Variants in NUAK1 observed in about 807,000 individuals in gnomAD.
NUAK1 encodes the protein NUAK family kinase 1, also known as NUAK family SNF1-like kinase 1.
Under a neutral mutation model 56.9 loss-of-function variants are expected in NUAK1, and 26 were observed. That is an observed-to-expected ratio of 0.46 (90% CI 0.33 to 0.63). The LOEUF is 0.63. NUAK1 is among the 30% of genes least tolerant of loss of function. The probability of loss-of-function intolerance (pLI) is 0.02; values close to 1 mark genes in which losing one functional copy is unlikely to be tolerated. For synonymous variants in NUAK1, 337 were observed against 336.0 expected (o/e 1.00, Z -0.03); for missense variants, 727 against 876.1 (o/e 0.83, Z 2.15).
chr12:106,095,911 T>C (rs2032691835), intron 2 of NUAK1, among the ~76,000 whole-genome samples: 1 of 152,206 alleles, frequency 6.6e-6, no homozygotes. Context: ...AGGCACCTGC[T>C]GTCAGAAGTC....
intron 1 of NUAK1, among the ~76,000 whole-genome samples, chr12:106,107,105 T>C (rs2032811273): frequency 6.6e-6 from 1 of 152,136 alleles, no homozygotes; most frequent in African/African-American, 2.4e-5. Context: ...CCACCTTCAA[T>C]AGCACATGGT....
rs114359578 is a variant in NUAK1 at position 106,070,078 on chromosome 12, C to T, written c.832+696G>A. ...AAATTTTAAAAAAAGAAAGAAAGCT[C>T]GGCAACTTTTTATTCCTCCTTCTTA... On this transcript the variant is annotated intron_variant, in intron 6 of 6. Transcript: ENST00000261402. Among the ~76,000 whole-genome samples the T allele has an allele frequency of 5.1e-3, 779 of 152,236 alleles. 10 individuals carry two copies. The highest frequency in any genetic ancestry group is 0.018 in the African/African-American group (729 of 41,564).
intron 4 of NUAK1, among the ~76,000 whole-genome samples, chr12:106,081,964 C>T (rs921194235): frequency 6.6e-6 from 1 of 152,144 alleles, no homozygotes; most frequent in African/African-American, 2.4e-5. Flanking sequence ...TCAGCCATGG[C>T]CTGACCACCA....
At chr12:106,098,322 T>A (rs966953751) in intron 2 of NUAK1, among the ~76,000 whole-genome samples, 1 of 152,004 alleles carries the variant, frequency 6.6e-6, no homozygotes, top group Non-Finnish European at 1.5e-5. Context: ...AGACTTATTA[T>A]AACTTATCTT....
At chr12:106,074,291 A>T (rs1283856754) in intron 4 of NUAK1, among the ~76,000 whole-genome samples, 1 of 152,204 alleles carries the variant, frequency 6.6e-6, no homozygotes. Context: ...AACAACTTCC[A>T]ATTATCAGGT....
intron 4 of NUAK1, among the ~76,000 whole-genome samples, chr12:106,082,987 G>A (rs982002741): frequency 3.9e-5 from 6 of 152,166 alleles, no homozygotes; most frequent in Admixed American, 2.6e-4. Flanking sequence ...AGCGAGCTCC[G>A]TTTATTTTGA....
At chr12:106,114,481 A>G (rs927878352) in intron 1 of NUAK1, among the ~76,000 whole-genome samples, 2 of 152,276 alleles carry the variant, frequency 1.3e-5, no homozygotes, top group African/African-American at 4.8e-5. Flanking sequence ...TGGAAGGCAG[A>G]GAAGGCAAAT....
intron 1 of NUAK1, among the ~76,000 whole-genome samples, chr12:106,136,420 G>A (rs2033130410): frequency 6.6e-6 from 1 of 152,122 alleles, no homozygotes; most frequent in Admixed American, 6.5e-5. Context: ...TGCAAATACA[G>A]AGAAAGACAT....
At chr12:106,073,656 A>T (rs1379982318) in intron 4 of NUAK1, among the ~76,000 whole-genome samples, 1 of 152,138 alleles carries the variant, frequency 6.6e-6, no homozygotes, top group Non-Finnish European at 1.5e-5. Flanking sequence ...CGTCTCTACT[A>T]AAAATACAAA....
chr12:106,113,300 A>C (rs1285499097), intron 1 of NUAK1, among the ~76,000 whole-genome samples: 1 of 152,226 alleles, frequency 6.6e-6, no homozygotes, highest in East Asian at 1.9e-4. Flanking sequence ...AAGAAATAGC[A>C]AAAAGGCCAC....
chr12:106,075,691 A>G (rs189088832), intron 4 of NUAK1, among the ~76,000 whole-genome samples: 26 of 152,340 alleles, frequency 1.7e-4, no homozygotes, highest in African/African-American at 5.5e-4. Flanking sequence ...GAAATAGAGA[A>G]ATTTCAGATG....
intron 1 of NUAK1, among the ~76,000 whole-genome samples, chr12:106,130,037 A>G (rs912955644): frequency 6.6e-6 from 1 of 151,656 alleles, no homozygotes; most frequent in African/African-American, 2.4e-5. Flanking sequence ...ACTGGAGTGC[A>G]GTGGCGCGAT....
chr12:106,075,212 C>A (rs1340120988), intron 4 of NUAK1, among the ~76,000 whole-genome samples: 1 of 150,998 alleles, frequency 6.6e-6, no homozygotes, highest in Non-Finnish European at 1.5e-5. Flanking sequence ...ACTGTCATTG[C>A]CACTGACACA....
intron 1 of NUAK1, among the ~76,000 whole-genome samples, chr12:106,107,054 T>A (rs1176086639): frequency 6.6e-6 from 1 of 152,084 alleles, no homozygotes; most frequent in Non-Finnish European, 1.5e-5. Context: ...ACGCAAGGGC[T>A]CAGAAGCGAA....
intron 4 of NUAK1, among the ~76,000 whole-genome samples, chr12:106,076,774 T>C (rs1380570711): frequency 6.6e-6 from 1 of 152,200 alleles, no homozygotes; most frequent in East Asian, 1.9e-4. Flanking sequence ...CATATATGAT[T>C]CCATGTACAT....
intron 2 of NUAK1, among the ~76,000 whole-genome samples, chr12:106,099,324 G>A (rs1386070700): frequency 1.3e-5 from 2 of 152,158 alleles, no homozygotes; most frequent in Non-Finnish European, 2.9e-5. Flanking sequence ...ATGGTGTTCT[G>A]CAGTTTAGAA....
intron 1 of NUAK1, among the ~76,000 whole-genome samples, chr12:106,108,855 G>A (rs943834121): frequency 5.9e-5 from 9 of 152,294 alleles, no homozygotes; most frequent in East Asian, 5.8e-4. Context: ...CCAGCGAGGC[G>A]GAGGGTCCCA....
rs1323082177 is a variant in NUAK1 at position 106,117,007 on chromosome 12, A to G, written c.241-10482T>C. ...GATCCAGTCCTAGAGAACATGAACT[A>G]GACCTACCCTTCAAGTTGCCTACCA... On this transcript the variant is annotated intron_variant, in intron 1 of 6. Coordinates refer to ENST00000261402, the MANE Select transcript of NUAK1 (RefSeq NM_014840.3). Among the ~76,000 whole-genome samples the G allele has an allele frequency of 3.3e-5, 5 of 152,306 alleles. No homozygotes were observed. The East Asian group carries it at 9.7e-4, about 29-fold the overall frequency.
chr12:106,132,603 G>T (rs2033090258), intron 1 of NUAK1, among the ~76,000 whole-genome samples: 1 of 152,184 alleles, frequency 6.6e-6, no homozygotes, highest in African/African-American at 2.4e-5. Context: ...GGACTCCAGG[G>T]TCTGAGGCTG....
Sources: allele counts gnomAD v4.1 joint callset (sites outside exome capture counted in the v4.1 genomes callset), GRCh38; gene constraint gnomAD v4.1.1; transcripts MANE v1.5; gene names NCBI Gene and HGNC (gene_info 2026-07-23, HGNC 2026-07-21).